PRDM1: variants seen among roughly 807,000 people sequenced by gnomAD.
The protein encoded by PRDM1 is PR domain zinc finger protein 1.
A neutral mutation model predicts 62.8 loss-of-function variants in PRDM1; 13 were observed. That is an observed-to-expected ratio of 0.21 (90% CI 0.13 to 0.33). PRDM1 has a LOEUF of 0.33. PRDM1 is among the 10% of genes least tolerant of loss of function. The pLI is 1.00. For missense variants in PRDM1, 895 were observed against 1,058.8 expected (o/e 0.85, Z 2.15); for synonymous variants, 396 against 417.6 (o/e 0.95, Z 0.63).
chr6:106,011,044 G>A (rs1374097278), intron 1 of PRDM1, among the ~76,000 whole-genome samples: 1 of 152,128 alleles, frequency 6.6e-6, no homozygotes, highest in East Asian at 1.9e-4. Context: ...GCTGTGGTAG[G>A]CCCTGCACCG....
upstream of PRDM1, among the ~76,000 whole-genome samples, chr6:106,081,678 C>T (rs1048190062): frequency 1.1e-4 from 17 of 152,246 alleles, no homozygotes; most frequent in East Asian, 3.9e-4. Flanking sequence ...CTTACCTTGG[C>T]GTGAAGAAAG....
chr6:106,082,470 T>C (rs929866783), upstream of PRDM1, among the ~76,000 whole-genome samples: 3 of 152,194 alleles, frequency 2.0e-5, no homozygotes, highest in Non-Finnish European at 4.4e-5. Context: ...GTTTAAAAAA[T>C]AATTTTAAAA....
intron 1 of PRDM1, among the ~76,000 whole-genome samples, chr6:106,050,807 C>T (rs1308773966): frequency 6.6e-6 from 1 of 152,046 alleles, no homozygotes; most frequent in African/African-American, 2.4e-5. Flanking sequence ...TAAAGCAAAC[C>T]AATATACCCA....
intron 1 of PRDM1, among the ~76,000 whole-genome samples, chr6:106,010,018 C>A (rs1772527411): frequency 6.6e-6 from 1 of 152,112 alleles, no homozygotes; most frequent in African/African-American, 2.4e-5. Flanking sequence ...ATGCCTGGCC[C>A]TTCCTGAATA....
At position 106,089,283 on chromosome 6, in the gene PRDM1, A is replaced by G. The variant is rs576802754; in HGVS notation, c.291+834A>G. Among the ~76,000 whole-genome samples the G allele has an allele frequency of 4.6e-5, 7 of 152,318 alleles. No individual in the cohort carries two copies. The South Asian group carries it at 1.4e-3, about 32-fold the overall frequency. ...CTAGTCTACTACTGGGTTGAGTTGA[A>G]TGAAAGGACCCCTCAGCAGACTTCC... On this transcript the variant is annotated intron_variant, in intron 2 of 6. Coordinates refer to ENST00000369096, the MANE Select transcript of PRDM1 (RefSeq NM_001198.4).
At chr6:106,064,774 G>T (rs1416909520) in intron 1 of PRDM1, among the ~76,000 whole-genome samples, 1 of 152,196 alleles carries the variant, frequency 6.6e-6, no homozygotes, top group Non-Finnish European at 1.5e-5. Flanking sequence ...ACTTTCTGGG[G>T]ATAGGGTGGG....
At chr6:106,034,444 G>T (rs966041489) in intron 1 of PRDM1, among the ~76,000 whole-genome samples, 4 of 151,720 alleles carry the variant, frequency 2.6e-5, no homozygotes, top group African/African-American at 9.7e-5. Context: ...TTTGCATGTC[G>T]TATTTTATTT....
rs1562174404 is a variant in PRDM1 at position 106,105,537 on chromosome 6, C to T, written c.1377C>T (p.Pro459=). 6 of 1,613,104 alleles carry T rather than the reference C, an allele frequency of 3.7e-6. No homozygotes were observed. Among genetic ancestry groups the T allele is most frequent in the Non-Finnish European group, 4.2e-6 (5 of 1,179,308 alleles). Residue 459 remains proline, a synonymous_variant, in exon 5 of 7, where the codon CCC becomes CCT. Coordinates refer to ENST00000369096, the MANE Select transcript of PRDM1 (RefSeq NM_001198.4). ...NLLGGGSLPH[P]MLNPTSLPSS... is the part of the protein sequence containing the mutation. ...TCGGTGGGGGCAGCCTGCCCCACCC[C>T]ATGCTCAACCCCACTTCTCTCCCGA...
chr6:106,080,405 G>GC (rs887440794), intron 1 of PRDM1, among the ~76,000 whole-genome samples: 14 of 151,992 alleles, frequency 9.2e-5, no homozygotes, highest in Non-Finnish European at 2.1e-4. Flanking sequence ...TCTGTTCCAC[G>GC]CCCCCCACCG....
chr6:106,013,330 C>CTTT (rs66943648), intron 1 of PRDM1, among the ~76,000 whole-genome samples: 2 of 140,126 alleles, frequency 1.4e-5, no homozygotes, highest in Non-Finnish European at 3.1e-5. Context: ...TTGAACTTTT[C>CTTT]TTTTTTTTTT....
At chr6:106,078,393 C>T (rs936726870) in intron 1 of PRDM1, 3 of 152,190 alleles carry the variant, frequency 2.0e-5, no homozygotes, top group Non-Finnish European at 4.4e-5. Context: ...GCTGTCATAT[C>T]TTTGACACCC....
chr6:106,066,468 C>CT (rs1474055677), intron 1 of PRDM1, among the ~76,000 whole-genome samples: 1 of 152,122 alleles, frequency 6.6e-6, no homozygotes, highest in African/African-American at 2.4e-5. Context: ...GAATTTTCTG[C>CT]TTCATGATTC....
At chr6:106,039,204 T>C (rs1355343825) in intron 1 of PRDM1, among the ~76,000 whole-genome samples, 1 of 152,222 alleles carries the variant, frequency 6.6e-6, no homozygotes, top group African/African-American at 2.4e-5. Context: ...TTGCTTATGG[T>C]CATCTTCACT....
intron 1 of PRDM1, among the ~76,000 whole-genome samples, chr6:106,057,550 A>C (rs908321309): frequency 6.6e-6 from 1 of 152,098 alleles, no homozygotes; most frequent in African/African-American, 2.4e-5. Flanking sequence ...TTTCCTTCTG[A>C]ATTTGTAGGA....
chr6:106,109,244 G>A lies in PRDM1; in HGVS notation c.*1758G>A, dbSNP rs1774614934. 4.3e-6 allele frequency: 1 copy of A among 231,816 alleles called. No homozygotes were observed. The highest frequency in any genetic ancestry group is 5.6e-5 in the Admixed American group (1 of 17,724). 14.4% of individuals were successfully genotyped at this position (231,816 alleles called of 1,614,324 possible). A position where few individuals can be genotyped will look rare whatever the true frequency, so the allele number is the denominator to read the frequency against. On this transcript the variant is annotated 3_prime_UTR_variant, in exon 7 of 7. Coordinates refer to ENST00000369096, the MANE Select transcript of PRDM1 (RefSeq NM_001198.4). ...GTGGTGGGGACCACAAAACAACCAG[G>A]GAGGAAGAGATACATCATTTTTTAG...
chr6:106,034,996 C>T (rs1287657762), intron 1 of PRDM1, among the ~76,000 whole-genome samples: 1 of 152,160 alleles, frequency 6.6e-6, no homozygotes, highest in Non-Finnish European at 1.5e-5. Context: ...GCTGTGCACA[C>T]TTGAGAAGAA....
At chr6:106,103,458 G>A (rs148496831) in intron 4 of PRDM1, among the ~76,000 whole-genome samples, 43 of 152,266 alleles carry the variant, frequency 2.8e-4, no homozygotes, top group African/African-American at 1.0e-3. Context: ...GCCTCTGAAG[G>A]CATCTCCACA....
At chr6:106,103,893 T>C (rs893683442) in intron 4 of PRDM1, among the ~76,000 whole-genome samples, 4 of 152,204 alleles carry the variant, frequency 2.6e-5, no homozygotes, top group African/African-American at 9.6e-5. Flanking sequence ...CCAGCACTGC[T>C]GGGATCCTGG....
intron 1 of PRDM1, among the ~76,000 whole-genome samples, chr6:106,065,635 A>G (rs34093877): frequency 0.018 from 2,728 of 152,314 alleles, 43 homozygotes; most frequent in Non-Finnish European, 0.026. Context: ...GTAATACAGG[A>G]CTAGGCTGGC....
Sources: allele counts gnomAD v4.1 joint callset (sites outside exome capture counted in the v4.1 genomes callset), GRCh38; gene constraint gnomAD v4.1.1; transcripts MANE v1.5; gene names NCBI Gene and HGNC (gene_info 2026-07-23, HGNC 2026-07-21).